Variants in ONECUT2 observed in about 807,000 individuals in gnomAD.
ONECUT2 encodes one cut homeobox 2, also known as one cut domain family member 2.
A neutral mutation model predicts 27.9 loss-of-function variants in ONECUT2; 10 were observed. The ratio of observed to expected loss-of-function variants is 0.36; its 90% CI spans 0.22 to 0.61. The LOEUF is 0.61. ONECUT2 is among the 20% of genes least tolerant of loss of function. The pLI, the probability that ONECUT2 is intolerant of heterozygous loss-of-function variation, is 0.73. For missense variants in ONECUT2, 686 were observed against 721.0 expected (o/e 0.95, Z 0.56); for synonymous variants, 334 against 315.1 (o/e 1.06, Z -0.64).
intron 1 of ONECUT2, among the ~76,000 whole-genome samples, chr18:57,450,166 G>T (rs79675927): frequency 6.6e-6 from 1 of 152,018 alleles, no homozygotes; most frequent in Admixed American, 6.5e-5. Flanking sequence ...TCAAAAGGGG[G>T]TATTCTTTTC....
chr18:57,442,073 C>T (rs560425390), intron 1 of ONECUT2, among the ~76,000 whole-genome samples: 1 of 149,986 alleles, frequency 6.7e-6, no homozygotes, highest in African/African-American at 2.5e-5. Flanking sequence ...AAAGAAAGAA[C>T]TTTAAAGCTC....
intron 1 of ONECUT2, among the ~76,000 whole-genome samples, chr18:57,451,729 A>G (rs2050231445): frequency 6.6e-6 from 1 of 152,190 alleles, no homozygotes; most frequent in Non-Finnish European, 1.5e-5. Flanking sequence ...AAAGGGCGGA[A>G]AATTCACAGC....
intron 1 of ONECUT2, among the ~76,000 whole-genome samples, chr18:57,452,227 T>C (rs2144313385): frequency 6.6e-6 from 1 of 152,278 alleles, no homozygotes; most frequent in South Asian, 2.1e-4. Context: ...GACTAGATCA[T>C]AGCAAGCAGG....
chr18:57,467,556 AG>A (rs2050330318), intron 1 of ONECUT2, among the ~76,000 whole-genome samples: 1 of 151,942 alleles, frequency 6.6e-6, no homozygotes, highest in South Asian at 2.1e-4. Flanking sequence ...TAGTAGAGAC[AG>A]GGTTTCACCA....
rs1251933392 is a variant in ONECUT2 at position 57,435,938 on chromosome 18, C to G, written c.222C>G (p.Ala74=). The part of the protein sequence containing the change: ...SPSPHHAGRG[A]AGSLRGPPPP... ...GCCCCCACCACGCGGGCCGCGGCGCCGCTGGCTCGCTGCGGGGCCCTCCGC... is the reference window on the plus strand; with the variant it reads ...GCCCCCACCACGCGGGCCGCGGCGCGGCTGGCTCGCTGCGGGGCCCTCCGC... The change falls in exon 1 of 2, where the codon GCC becomes GCG. Residue 74 remains alanine, a synonymous_variant. Transcript: ENST00000491143. 2.1e-5 allele frequency: 25 copies of G among 1,210,480 alleles called. No individual in the cohort carries two copies. Among genetic ancestry groups the G allele is most frequent in the Non-Finnish European group, 2.6e-5 (25 of 976,658 alleles). The allele number at this position is 1,210,480 out of a possible 1,614,324, so 75.0% of individuals were successfully genotyped here.
Position 57,436,963 on chromosome 18 carries a change from A to C in ONECUT2, c.1228+19A>C, listed in dbSNP as rs563015436. On this transcript the variant is annotated intron_variant, in intron 1 of 1. Transcript: ENST00000491143. This position sits in a 1 kb window ranked among gnomAD's most constrained non-coding sequence, Gnocchi z 5.9. ...CTGGCAGGTAAGGCCGGGGCTAGCC[A>C]GGGGCCAGGCTGCTGGGAAGAGGGC... 1,459 of 1,560,258 alleles carry C rather than the reference A, an allele frequency of 9.4e-4. 2 individuals are homozygous for C. The highest frequency in any genetic ancestry group is 2.6e-3 in the South Asian group (219 of 84,616).
At chr18:57,442,635 C>G (rs566815283) in intron 1 of ONECUT2, among the ~76,000 whole-genome samples, 1 of 152,128 alleles carries the variant, frequency 6.6e-6, no homozygotes, top group Non-Finnish European at 1.5e-5. Context: ...CTGGCTCCCT[C>G]CCCACAGCCC....
chr18:57,471,581 C>T (rs1366650001), intron 1 of ONECUT2, among the ~76,000 whole-genome samples: 1 of 152,064 alleles, frequency 6.6e-6, no homozygotes, highest in Admixed American at 6.5e-5. Flanking sequence ...CTTGTTTTAC[C>T]CTGGGAACCC....
At chr18:57,467,941 G>A (rs1388436476) in intron 1 of ONECUT2, among the ~76,000 whole-genome samples, 1 of 152,120 alleles carries the variant, frequency 6.6e-6, no homozygotes, top group Admixed American at 6.5e-5. Flanking sequence ...TTTTCCTCTT[G>A]CTCCGCCATT....
chr18:57,446,473 G>A (rs1215566481), intron 1 of ONECUT2, among the ~76,000 whole-genome samples: 3 of 152,124 alleles, frequency 2.0e-5, no homozygotes, highest in African/African-American at 4.8e-5. Context: ...TGGAAGAAAG[G>A]TTTCAAGTGG....
intron 1 of ONECUT2, among the ~76,000 whole-genome samples, chr18:57,449,918 C>T (rs1335658710): frequency 6.6e-6 from 1 of 152,220 alleles, no homozygotes; most frequent in Non-Finnish European, 1.5e-5. Context: ...TCTGGTCTTA[C>T]ACTGCTCTCT....
chr18:57,438,219 G>T (rs1463155912), intron 1 of ONECUT2, among the ~76,000 whole-genome samples: 2 of 152,258 alleles, frequency 1.3e-5, no homozygotes, highest in African/African-American at 4.8e-5. Context: ...CAAGCCACGG[G>T]CCCAGAGGGG....
At chr18:57,457,188 C>G (rs2050264421) in intron 1 of ONECUT2, among the ~76,000 whole-genome samples, 1 of 152,174 alleles carries the variant, frequency 6.6e-6, no homozygotes, top group African/African-American at 2.4e-5. Flanking sequence ...ACATCCTTGC[C>G]AACATTTGTT....
At position 57,480,716 on chromosome 18, in the gene ONECUT2, A is replaced by T. The variant is rs1026303270; in HGVS notation, c.*3993A>T. The T allele has an allele frequency of 1.3e-5, 2 of 152,200 alleles. No individual in the cohort carries two copies. Among genetic ancestry groups the T allele is most frequent in the Non-Finnish European group, 2.9e-5 (2 of 68,044 alleles). The allele number at this position is 152,200 out of a possible 1,614,324, so 9.4% of individuals were successfully genotyped here. On this transcript the variant is annotated 3_prime_UTR_variant, in exon 2 of 2. Coordinates refer to ENST00000491143, the MANE Select transcript of ONECUT2 (RefSeq NM_004852.3). ...TATAAATATATATGTGTATCTATAC[A>T]GTTATGTATCAAAATTTTAAGCCCT...
At position 57,484,058 on chromosome 18, in the gene ONECUT2, G is replaced by C. The variant is rs572619513; in HGVS notation, c.*7335G>C. 6.6e-6 allele frequency: 1 copy of C among 152,418 alleles called. No individual in the cohort carries two copies. The highest frequency in any genetic ancestry group is 2.1e-4 in the South Asian group (1 of 4,824). 9.4% of individuals were successfully genotyped at this position (152,418 alleles called of 1,614,324 possible). On this transcript the variant is annotated 3_prime_UTR_variant, in exon 2 of 2. Transcript: ENST00000491143. ...ACCCTGCTTCACCAGCCTGGATTTC[G>C]GGGCTTCTATACAGAAACTGGAAAA...
chr18:57,442,687 C>G (rs1194049456), intron 1 of ONECUT2, among the ~76,000 whole-genome samples: 1 of 152,106 alleles, frequency 6.6e-6, no homozygotes, highest in African/African-American at 2.4e-5. Flanking sequence ...GCGAGTGGGC[C>G]TTTAGAGGAT....
At chr18:57,447,145 G>A (rs1438289582) in intron 1 of ONECUT2, among the ~76,000 whole-genome samples, 1 of 152,254 alleles carries the variant, frequency 6.6e-6, no homozygotes, top group Non-Finnish European at 1.5e-5. Flanking sequence ...TAGACTTCGA[G>A]CCAGACTGTG....
intron 1 of ONECUT2, among the ~76,000 whole-genome samples, chr18:57,466,017 C>G (rs1317357257): frequency 6.6e-6 from 1 of 152,214 alleles, no homozygotes; most frequent in Non-Finnish European, 1.5e-5. Flanking sequence ...TGTGCTCACC[C>G]TGAGTGCTCT....
chr18:57,472,890 A>C (rs1043744187), intron 1 of ONECUT2, among the ~76,000 whole-genome samples: 1 of 152,336 alleles, frequency 6.6e-6, no homozygotes. Context: ...GTGAATTGAC[A>C]GAGGACCTCA....
Sources: allele counts gnomAD v4.1 joint callset (sites outside exome capture counted in the v4.1 genomes callset), GRCh38; gene constraint gnomAD v4.1.1; non-coding constraint Gnocchi (gnomAD v3.1); transcripts MANE v1.5; gene names NCBI Gene and HGNC (gene_info 2026-07-23, HGNC 2026-07-21).